Variants in LMF1 observed in about 807,000 individuals in gnomAD.
LMF1 encodes the protein lipase maturation factor 1, also known as transmembrane protein 112.
Under a neutral mutation model 60.6 loss-of-function variants are expected in LMF1, and 68 were observed. That is an observed-to-expected ratio of 1.12 (90% confidence interval 0.92 to 1.37). The LOEUF is 1.37. Among genes scored for constraint, LMF1 ranks in the 40% most tolerant of loss-of-function variants. The pLI, the probability that LMF1 is intolerant of heterozygous loss-of-function variation, is 0.00. For missense variants in LMF1, 948 were observed against 767.2 expected (o/e 1.24, Z -2.78); for synonymous variants, 418 against 324.7 (o/e 1.29, Z -3.09).
intron 4 of LMF1, among the ~76,000 whole-genome samples, chr16:910,439 A>C (rs1342903866): frequency 6.6e-6 from 1 of 152,228 alleles, no homozygotes; most frequent in East Asian, 1.9e-4. Flanking sequence ...GGAAGGACGC[A>C]GCCAAGAGAC....
In LMF1 at chr16:863,707, G is replaced by C. The variant is rs1303262860; in HGVS notation, c.1529+5237C>G. Among the ~76,000 whole-genome samples, 3 of 152,268 alleles carry C rather than the reference G, an allele frequency of 2.0e-5. No individual in the cohort carries two copies. In the East Asian group the frequency reaches 5.8e-4, roughly 29 times the overall value. On this transcript the variant is annotated intron_variant, in intron 10 of 10. Coordinates refer to ENST00000262301, the MANE Select transcript of LMF1 (RefSeq NM_022773.4). ...GTCTTCCTGTGCTGCCTGATGCCAA[G>C]AGGCTGGCGTTAACGTCCTGGGTTC...
intron 7 of LMF1, 24 bp from the exon 8 acceptor site, chr16:870,906 A>G (rs1287817523): frequency 6.3e-6 from 10 of 1,586,890 alleles, no homozygotes; most frequent in East Asian, 2.3e-5. Context: ...GACATCTTCC[A>G]GGTGGGGCTC....
At chr16:898,480 C>T (rs1315424981) in intron 4 of LMF1, among the ~76,000 whole-genome samples, 4 of 152,236 alleles carry the variant, frequency 2.6e-5, no homozygotes, top group Non-Finnish European at 5.9e-5. Context: ...ACTGCTCCTT[C>T]CCCCGGCTCT....
At chr16:863,874 T>C (rs1163605436) in intron 10 of LMF1, among the ~76,000 whole-genome samples, 1 of 152,264 alleles carries the variant, frequency 6.6e-6, no homozygotes, top group Non-Finnish European at 1.5e-5. Context: ...CATTTGGTGC[T>C]TTCTCTCTCA....
intron 1 of LMF1, chr16:979,568 C>G: frequency 2.2e-6 from 1 of 446,178 alleles, no homozygotes; most frequent in Middle Eastern, 7.1e-4. Context: ...CAACCTCAGT[C>G]TCCCTTCCTC....
intron 1 of LMF1, chr16:979,104 A>G (rs1337629730): frequency 2.2e-6 from 1 of 453,732 alleles, no homozygotes; most frequent in Non-Finnish European, 4.4e-6. Flanking sequence ...CCTGTGTGGG[A>G]AAGTGCCTGG....
intron 10 of LMF1, among the ~76,000 whole-genome samples, chr16:857,883 T>C (rs555673681): frequency 1.5e-5 from 1 of 68,862 alleles, no homozygotes; most frequent in Non-Finnish European, 2.4e-5. Context: ...TGTCACGGGA[T>C]GGGTGTGCAG....
At chr16:974,859 C>T (rs1024730903), upstream of LMF1, among the ~76,000 whole-genome samples, 12 of 152,342 alleles carry the variant, frequency 7.9e-5, 1 homozygote, top group African/African-American at 2.6e-4. Flanking sequence ...AGTGTGGGCC[C>T]GAAGATAATC....
intron 5 of LMF1, among the ~76,000 whole-genome samples, chr16:881,840 G>A (rs924957158): frequency 3.3e-5 from 5 of 152,224 alleles, no homozygotes; most frequent in South Asian, 4.1e-4. Context: ...TCTGGCTTTT[G>A]GGGTGGGGGA....
Position 874,968 on chromosome 16 carries a change from T to A in LMF1, c.898-3627A>T, listed in dbSNP as rs375805696. On this transcript the variant is annotated intron_variant, in intron 6 of 10. Transcript: ENST00000262301. This position sits in a 1 kb window ranked among gnomAD's most constrained non-coding sequence, Gnocchi z 4.1. ...CCCTAGTTCAAGACCCCACACTGCC[T>A]GTGAGGGGGCAGGATACATCGCAGC... Among the ~76,000 whole-genome samples the A allele has an allele frequency of 6.6e-6, 1 of 152,114 alleles. No homozygotes were observed. The highest frequency in any genetic ancestry group is 1.5e-5 in the Non-Finnish European group (1 of 67,990).
chr16:902,606 C>T (rs1226011217), intron 4 of LMF1: 1 of 168,306 alleles, frequency 5.9e-6, no homozygotes, highest in East Asian at 1.9e-4. Flanking sequence ...GGACGCCCGT[C>T]TCTGCTGCGT....
chr16:888,433 C>T (rs1260483985), intron 5 of LMF1, among the ~76,000 whole-genome samples: 1 of 152,198 alleles, frequency 6.6e-6, no homozygotes, highest in Non-Finnish European at 1.5e-5. Flanking sequence ...GTTTTCTCTG[C>T]ATCAAAACCA....
chr16:951,941 A>G (rs2072482036), intron 2 of LMF1, among the ~76,000 whole-genome samples: 6 of 152,174 alleles, frequency 3.9e-5, no homozygotes, highest in Admixed American at 3.9e-4. Context: ...TCGGGGGCAA[A>G]CCACAAACAG....
intron 4 of LMF1, among the ~76,000 whole-genome samples, chr16:894,777 C>T (rs1236350226): frequency 6.6e-6 from 1 of 152,200 alleles, no homozygotes; most frequent in Non-Finnish European, 1.5e-5. Flanking sequence ...TTCGTAATGG[C>T]CGCCTCCCAT....
chr16:926,885 C>T (rs1379869157), intron 3 of LMF1, among the ~76,000 whole-genome samples: 1 of 152,208 alleles, frequency 6.6e-6, no homozygotes, highest in Non-Finnish European at 1.5e-5. Context: ...GGAGTCCTCC[C>T]TGGACGGCAC....
chr16:858,799 G>GC (rs1193910086), intron 10 of LMF1, among the ~76,000 whole-genome samples: 9 of 87,892 alleles, frequency 1.0e-4, no homozygotes, highest in Non-Finnish European at 2.1e-5. Context: ...GGACGGGTGT[G>GC]AGTGGTGTCT....
At chr16:863,016 G>T (rs1352502249) in intron 10 of LMF1, among the ~76,000 whole-genome samples, 1 of 152,080 alleles carries the variant, frequency 6.6e-6, no homozygotes, top group Non-Finnish European at 1.5e-5. Context: ...TAGTTATAGG[G>T]CTATTTAAAT....
At chr16:976,443 T>C (rs1004151038) in intron 1 of LMF1, 3 of 453,920 alleles carry the variant, frequency 6.6e-6, no homozygotes, top group Non-Finnish European at 1.3e-5. Context: ...AACGGAAGCG[T>C]TGATTCCAAG....
intron 2 of LMF1, among the ~76,000 whole-genome samples, chr16:953,949 ACCCACCCCAAAC>A (rs2072580295): frequency 3.3e-5 from 3 of 91,352 alleles, no homozygotes; most frequent in Admixed American, 2.2e-4. Context: ...CCACACAGAC[ACCCACCCCAAAC>A]CAGCCTCCTA....
Sources: gnomAD v4.1 joint callset for allele counts (sites outside exome capture counted in the v4.1 genomes callset) on GRCh38, gnomAD v4.1.1 for gene constraint, Gnocchi (gnomAD v3.1) non-coding constraint, MANE v1.5 for transcripts, NCBI Gene and HGNC (gene_info 2026-07-23, HGNC 2026-07-21) for gene names.